ME3: variants seen among roughly 807,000 people sequenced by gnomAD.
ME3 encodes NADP-dependent malic enzyme, mitochondrial.
ME3 carries 48 observed loss-of-function variants against 68.9 expected under a neutral mutation model. The observed-to-expected ratio is 0.70, with a 90% confidence interval of 0.55 to 0.89. ME3 has a LOEUF of 0.89. Ranked by LOEUF, ME3 falls within the 40% of genes least tolerant of loss-of-function variation. The pLI is 0.00. For synonymous variants in ME3, 320 were observed against 318.8 expected (o/e 1.00, Z -0.04); for missense variants, 675 against 797.4 (o/e 0.85, Z 1.85).
intron 5 of ME3, among the ~76,000 whole-genome samples, chr11:86,498,830 C>T (rs1952533927): frequency 6.6e-6 from 1 of 152,128 alleles, no homozygotes; most frequent in Non-Finnish European, 1.5e-5. Context: ...AATGGATATT[C>T]TTTTATTCAT....
At chr11:86,502,317 A>G (rs180692913) in intron 5 of ME3, among the ~76,000 whole-genome samples, 1 of 152,058 alleles carries the variant, frequency 6.6e-6, no homozygotes, top group Admixed American at 6.5e-5. Flanking sequence ...CACCTACTAA[A>G]CCTATCACTC....
intron 2 of ME3, among the ~76,000 whole-genome samples, chr11:86,566,316 A>C (rs1374745644): frequency 6.6e-6 from 1 of 152,192 alleles, no homozygotes; most frequent in East Asian, 1.9e-4. Context: ...AGTGAAGAAA[A>C]CTGTGCAGGT....
chr11:86,635,022 A>T (rs1944245777), intron 2 of ME3, among the ~76,000 whole-genome samples: 1 of 152,238 alleles, frequency 6.6e-6, no homozygotes, highest in Non-Finnish European at 1.5e-5. Context: ...AATTAGGAAC[A>T]GGCTAGACAC....
chr11:86,576,656 C>T (rs902891946), intron 2 of ME3, among the ~76,000 whole-genome samples: 12 of 152,166 alleles, frequency 7.9e-5, no homozygotes, highest in African/African-American at 2.9e-4. Context: ...CTTCTCTCCT[C>T]TCTGGTTTGC....
At chr11:86,475,874 T>TATAGAGAGAGAGAGAGAGAGAGAGAG in intron 7 of ME3, among the ~76,000 whole-genome samples, 2 of 91,476 alleles carry the variant, frequency 2.2e-5, no homozygotes, top group East Asian at 2.7e-4. Flanking sequence ...TATATATATA[T>TATAGAGAGAGAGAGAGAGAGAGAGAG]AGAGAGAGAG....
intron 5 of ME3, among the ~76,000 whole-genome samples, chr11:86,501,663 T>C (rs1015916648): frequency 6.6e-6 from 1 of 152,212 alleles, no homozygotes; most frequent in African/African-American, 2.4e-5. Flanking sequence ...CTTACTCCTT[T>C]TGAGCCTTTT....
intron 2 of ME3, among the ~76,000 whole-genome samples, chr11:86,584,195 C>T (rs145858008): frequency 1.8e-4 from 27 of 152,178 alleles, no homozygotes; most frequent in South Asian, 4.2e-4. Flanking sequence ...ACACAAATAT[C>T]CAACAGGTAT....
At chr11:86,566,710 C>T (rs1307171011) in intron 2 of ME3, among the ~76,000 whole-genome samples, 1 of 152,154 alleles carries the variant, frequency 6.6e-6, no homozygotes, top group Non-Finnish European at 1.5e-5. Context: ...TGTTACTTCA[C>T]ACTCTATTGC....
chr11:86,560,720 GTGTGTA>G (rs1263931473), intron 2 of ME3, among the ~76,000 whole-genome samples: 1 of 54,728 alleles, frequency 1.8e-5, no homozygotes, highest in South Asian at 7.4e-4. Context: ...GTGTGTGTGT[GTGTGTA>G]TGTGTGTGTG....
chr11:86,533,841 G>C (rs1320634247), intron 4 of ME3, among the ~76,000 whole-genome samples: 1 of 151,974 alleles, frequency 6.6e-6, no homozygotes, highest in African/African-American at 2.4e-5. Context: ...AACCTAGATG[G>C]TATAGCCTAT....
rs757655495 is a variant in ME3 at position 86,442,907 on chromosome 11, C to A, written c.1567G>T (p.Glu523Ter). Residue 523 changes from glutamate (E) to a stop codon, truncating the protein, a stop_gained, in exon 14 of 15, where the codon GAA becomes TAA. Coordinates refer to ENST00000543262, the Ensembl canonical transcript of ME3. LOFTEE classifies it high-confidence loss of function. The stretch of plus-strand genomic sequence containing the variant: ...TGGGACAGATGCTGCTCAGAGACTT[C>A]CTGGGCAATTTGCTGGGGAGAAGGA... 3.8e-5 allele frequency: 61 copies of A among 1,611,768 alleles called. No homozygotes were observed. Among genetic ancestry groups the A allele is most frequent in the Non-Finnish European group, 5.0e-5 (59 of 1,178,364 alleles).
At chr11:86,497,741 G>A (rs1952453213) in intron 6 of ME3, among the ~76,000 whole-genome samples, 1 of 152,160 alleles carries the variant, frequency 6.6e-6, no homozygotes, top group South Asian at 2.1e-4. Flanking sequence ...GGAGCAAGGG[G>A]GCCCAGGAGT....
intron 2 of ME3, among the ~76,000 whole-genome samples, chr11:86,659,370 TA>T: frequency 6.6e-6 from 1 of 152,310 alleles, no homozygotes; most frequent in East Asian, 1.9e-4. Context: ...AGATGGTAGG[TA>T]GAAGAGACAG....
chr11:86,661,256 A>G (rs1185292457), intron 2 of ME3, among the ~76,000 whole-genome samples: 1 of 152,234 alleles, frequency 6.6e-6, no homozygotes, highest in Non-Finnish European at 1.5e-5. Context: ...AGGATGAATG[A>G]ATTACTGCCA....
chr11:86,559,189 C>T (rs1158120108), intron 3 of ME3, among the ~76,000 whole-genome samples: 1 of 152,160 alleles, frequency 6.6e-6, no homozygotes, highest in Non-Finnish European at 1.5e-5. Flanking sequence ...AACTGTTGCC[C>T]ATAGCCTCCA....
chr11:86,530,144 T>C (rs1955095231), intron 4 of ME3, among the ~76,000 whole-genome samples: 1 of 152,206 alleles, frequency 6.6e-6, no homozygotes. Flanking sequence ...GACAGGCAAC[T>C]TCAGCAAAAT....
At chr11:86,477,668 G>A (rs1951161866) in intron 7 of ME3, among the ~76,000 whole-genome samples, 1 of 152,154 alleles carries the variant, frequency 6.6e-6, no homozygotes. Flanking sequence ...GCCAGCTAGT[G>A]TCATTGAATC....
chr11:86,556,210 GTTGGTACT>G (rs1956915828), intron 4 of ME3, among the ~76,000 whole-genome samples: 1 of 152,200 alleles, frequency 6.6e-6, no homozygotes, highest in Non-Finnish European at 1.5e-5. Flanking sequence ...CAGGAGAGCT[GTTGGTACT>G]TTGGAGGTGA....
chr11:86,642,437 C>T (rs920060599), intron 2 of ME3, among the ~76,000 whole-genome samples: 1 of 152,234 alleles, frequency 6.6e-6, no homozygotes, highest in Non-Finnish European at 1.5e-5. Flanking sequence ...TGCTTTCCAT[C>T]TATTTTGGGA....
Sources: allele counts gnomAD v4.1 joint callset (sites outside exome capture counted in the v4.1 genomes callset), GRCh38; gene constraint gnomAD v4.1.1; transcripts MANE v1.5; gene names NCBI Gene and HGNC (gene_info 2026-07-23, HGNC 2026-07-21).